Variants in PLCB1 observed in about 807,000 individuals in gnomAD.
The protein encoded by PLCB1 is phospholipase C beta 1, also known as 1-phosphatidylinositol 4,5-bisphosphate phosphodiesterase beta-1.
A neutral mutation model predicts 161.8 loss-of-function variants in PLCB1; 46 were observed. The ratio of observed to expected loss-of-function variants is 0.28; its 90% CI spans 0.22 to 0.36. The LOEUF is 0.36. PLCB1 is among the 10% of genes least tolerant of loss of function. The pLI is 1.00. For synonymous variants in PLCB1, 517 were observed against 503.7 expected (o/e 1.03, Z -0.35); for missense variants, 1,016 against 1,472.5 (o/e 0.69, Z 5.07).
intron 3 of PLCB1, among the ~76,000 whole-genome samples, chr20:8,581,816 G>A (rs973032973): frequency 2.0e-5 from 3 of 152,272 alleles, no homozygotes; most frequent in East Asian, 1.9e-4. Flanking sequence ...GTATTCCTCC[G>A]AACCTCTGTA....
intron 9 of PLCB1, among the ~76,000 whole-genome samples, chr20:8,681,065 T>A (rs1990196207): frequency 9.7e-6 from 1 of 103,294 alleles, no homozygotes; most frequent in South Asian, 3.2e-4. Context: ...TATATGTATA[T>A]ATGTGTGTAT....
chr20:8,683,563 G>A (rs535187668), intron 9 of PLCB1, among the ~76,000 whole-genome samples: 53 of 152,198 alleles, frequency 3.5e-4, no homozygotes, highest in African/African-American at 1.1e-3. Flanking sequence ...ACAAAAAATT[G>A]TCTCAATACG....
chr20:8,206,309 C>A (rs1228538409), intron 2 of PLCB1, among the ~76,000 whole-genome samples: 1 of 152,082 alleles, frequency 6.6e-6, no homozygotes, highest in Middle Eastern at 3.2e-3. Context: ...GTATTTTAAT[C>A]ATTTATGTAT....
Position 8,367,588 on chromosome 20 carries a change from C to T in PLCB1, c.178-3794C>T, listed in dbSNP as rs6039153. 6.5e-3 allele frequency among the ~76,000 whole-genome samples: 988 copies of T among 152,238 alleles called. 10 individuals are homozygous for T. Among genetic ancestry groups the T allele is most frequent in the African/African-American group, 0.023 (940 of 41,542 alleles). On this transcript the variant is annotated intron_variant, in intron 2 of 31. Coordinates refer to ENST00000338037, the MANE Select transcript of PLCB1 (RefSeq NM_015192.4). Reference sequence around the variant, plus strand: ...TACATGAATAATTAATTTTAAGGTCCTCACTCAAACCCAAGTTTTCTGCAA... The same window carrying T: ...TACATGAATAATTAATTTTAAGGTCTTCACTCAAACCCAAGTTTTCTGCAA...
intron 2 of PLCB1, among the ~76,000 whole-genome samples, chr20:8,288,311 G>T (rs1227615701): frequency 6.6e-6 from 1 of 152,182 alleles, no homozygotes; most frequent in Non-Finnish European, 1.5e-5. Context: ...CTGGGAGGCT[G>T]TCAAAGAAAG....
At chr20:8,212,696 A>G (rs1303838405) in intron 2 of PLCB1, among the ~76,000 whole-genome samples, 2 of 152,152 alleles carry the variant, frequency 1.3e-5, no homozygotes, top group Non-Finnish European at 1.5e-5. Context: ...TTCACTGCTG[A>G]TGGCTGAATG....
rs1021210918 is a variant in PLCB1 at position 8,792,898 on chromosome 20, C to T, written c.3423+2637C>T. The stretch of plus-strand genomic sequence containing the variant: ...CAAGTGTGAGACATGTGAAGAAAGA[C>T]CAAAGCACAGGACAGCAAAGTAGGT... On this transcript the variant is annotated intron_variant, in intron 31 of 31. Coordinates refer to ENST00000338037, the MANE Select transcript of PLCB1 (RefSeq NM_015192.4). 26 of 317,506 alleles carry T rather than the reference C, an allele frequency of 8.2e-5. No homozygotes were observed. The Admixed American group carries it at 9.7e-4, about 12-fold the overall frequency. The allele number at this position is 317,506 out of a possible 1,614,324, so 19.7% of individuals were successfully genotyped here.
chr20:8,836,190 A>G (rs1004987643), intron 31 of PLCB1, among the ~76,000 whole-genome samples: 1 of 152,198 alleles, frequency 6.6e-6, no homozygotes, highest in Non-Finnish European at 1.5e-5. Flanking sequence ...CACTTTGACC[A>G]CATTTTACTG....
chr20:8,593,193 GAC>G (rs1377697993), intron 3 of PLCB1, among the ~76,000 whole-genome samples: 10 of 152,188 alleles, frequency 6.6e-5, no homozygotes, highest in South Asian at 2.1e-4. Flanking sequence ...GTTTTTAAGA[GAC>G]AGAGTCTTGC....
At chr20:8,668,902 A>C (rs1989881004) in intron 9 of PLCB1, among the ~76,000 whole-genome samples, 1 of 152,224 alleles carries the variant, frequency 6.6e-6, no homozygotes, top group East Asian at 1.9e-4. Flanking sequence ...CCAGCATATC[A>C]AAAAAGAGAT....
chr20:8,200,217 A>G (rs2052078494), intron 2 of PLCB1, among the ~76,000 whole-genome samples: 1 of 152,038 alleles, frequency 6.6e-6, no homozygotes, highest in Non-Finnish European at 1.5e-5. Context: ...AGCCTTATCA[A>G]TATTTTTCTT....
rs547623738 is a variant in PLCB1 at position 8,417,819 on chromosome 20, G to A, written c.246+46369G>A. Among the ~76,000 whole-genome samples, 3 of 152,300 alleles carry A rather than the reference G, an allele frequency of 2.0e-5. No individual in the cohort carries two copies. The East Asian group carries it at 5.8e-4, about 29-fold the overall frequency. ...ATCTTGGATACCAAATGTCCATCTT[G>A]TACTTGTGAATAATAATTCAGTCTA... On this transcript the variant is annotated intron_variant, in intron 3 of 31. Transcript: ENST00000338037.
chr20:8,397,281 C>T (rs1987795714), intron 3 of PLCB1, among the ~76,000 whole-genome samples: 1 of 151,938 alleles, frequency 6.6e-6, no homozygotes, highest in African/African-American at 2.4e-5. Context: ...GTATGCTTCA[C>T]TAAGAATATA....
intron 11 of PLCB1, 49 bp from the exon 12 acceptor site, chr20:8,708,621 C>A: frequency 9.0e-7 from 1 of 1,109,006 alleles, no homozygotes; most frequent in Non-Finnish European, 1.4e-6. Flanking sequence ...CAAGAATATA[C>A]AGATGAAAAA....
At chr20:8,277,902 G>T (rs1982659622) in intron 2 of PLCB1, among the ~76,000 whole-genome samples, 1 of 152,128 alleles carries the variant, frequency 6.6e-6, no homozygotes, top group Non-Finnish European at 1.5e-5. Context: ...GCTGGAAGTT[G>T]AGGAATGCAG....
At chr20:8,474,540 G>C (rs773579662) in intron 3 of PLCB1, among the ~76,000 whole-genome samples, 1 of 152,124 alleles carries the variant, frequency 6.6e-6, no homozygotes, top group Non-Finnish European at 1.5e-5. Context: ...GATTATGGTG[G>C]AGGAGAGGCA....
chr20:8,184,437 A>G (rs983043518), intron 2 of PLCB1, among the ~76,000 whole-genome samples: 3 of 152,078 alleles, frequency 2.0e-5, no homozygotes, highest in African/African-American at 7.2e-5. Context: ...TAACCTCTCT[A>G]ATTTTGTTAT....
At chr20:8,223,808 A>G (rs1381941465) in intron 2 of PLCB1, among the ~76,000 whole-genome samples, 2 of 152,158 alleles carry the variant, frequency 1.3e-5, no homozygotes, top group Non-Finnish European at 2.9e-5. Context: ...TGATTCAAAG[A>G]ACTCTCATTC....
chr20:8,177,690 T>A (rs1289641829), intron 2 of PLCB1, among the ~76,000 whole-genome samples: 5 of 152,132 alleles, frequency 3.3e-5, no homozygotes, highest in African/African-American at 9.7e-5. Context: ...TTCAGCTTTT[T>A]AAAAAACTTT....
Sources: allele counts gnomAD v4.1 joint callset (sites outside exome capture counted in the v4.1 genomes callset), GRCh38; gene constraint gnomAD v4.1.1; transcripts MANE v1.5; gene names NCBI Gene and HGNC (gene_info 2026-07-23, HGNC 2026-07-21).